The following STRN3 variants were observed in gnomAD, a reference collection of about 807,000 sequenced individuals.
STRN3 encodes the protein striatin 3, also known as striatin-3.
STRN3 carries 29 observed loss-of-function variants against 95.6 expected under a neutral mutation model. That is an observed-to-expected ratio of 0.30 (90% CI 0.23 to 0.41). The LOEUF is 0.41. STRN3 is among the 10% of genes least tolerant of loss of function. STRN3 has a pLI of 1.00. For missense variants in STRN3, 890 were observed against 972.1 expected (o/e 0.92, Z 1.12); for synonymous variants, 331 against 357.6 (o/e 0.93, Z 0.84).
At chr14:30,925,398 A>C (rs1380603084) in intron 8 of STRN3, among the ~76,000 whole-genome samples, 1 of 151,072 alleles carries the variant, frequency 6.6e-6, no homozygotes, top group East Asian at 1.9e-4. Flanking sequence ...TTTCCCTTCC[A>C]AAAAAAAAGA....
chr14:30,941,636 T>C lies in STRN3; in HGVS notation c.717-5012A>G, dbSNP rs201235406. ...ACATTGTGCTTCTTAAACTTTTTTT[T>C]TCCCCCCAAGATGGAGTTTCCCTTT... On this transcript the variant is annotated intron_variant, in intron 5 of 17. Transcript: ENST00000357479. Among the ~76,000 whole-genome samples, 3 of 150,020 alleles carry C rather than the reference T, an allele frequency of 2.0e-5. No individual in the cohort carries two copies. In the East Asian group the frequency reaches 6.2e-4, roughly 31 times the overall value.
intron 16 of STRN3, among the ~76,000 whole-genome samples, chr14:30,897,179 A>G (rs933698756): frequency 6.6e-6 from 1 of 152,166 alleles, no homozygotes; most frequent in Non-Finnish European, 1.5e-5. Flanking sequence ...CTACACTAGG[A>G]TATGAAAGAG....
At chr14:30,953,878 C>T (rs1398843347) in intron 3 of STRN3, among the ~76,000 whole-genome samples, 1 of 152,186 alleles carries the variant, frequency 6.6e-6, no homozygotes, top group Non-Finnish European at 1.5e-5. Flanking sequence ...GATCCAACGC[C>T]TCGGCTTCCC....
chr14:30,945,009 C>T (rs1879290778), intron 5 of STRN3, among the ~76,000 whole-genome samples: 1 of 152,068 alleles, frequency 6.6e-6, no homozygotes, highest in South Asian at 2.1e-4. Context: ...ATTTATTAAG[C>T]TCTAAATGAC....
At chr14:30,984,199 C>A (rs1318629293) in intron 1 of STRN3, among the ~76,000 whole-genome samples, 1 of 99,756 alleles carries the variant, frequency 1.0e-5, no homozygotes, top group African/African-American at 4.0e-5. Flanking sequence ...ATGAAAAAGT[C>A]TTGATAATTA....
intron 10 of STRN3, among the ~76,000 whole-genome samples, chr14:30,912,784 G>C (rs1045035750): frequency 6.6e-6 from 1 of 151,966 alleles, no homozygotes; most frequent in Non-Finnish European, 1.5e-5. Context: ...CTGGAATTTA[G>C]TCACTTATAT....
At chr14:30,979,284 A>T (rs1419462892) in intron 1 of STRN3, among the ~76,000 whole-genome samples, 2 of 152,174 alleles carry the variant, frequency 1.3e-5, no homozygotes, top group South Asian at 4.1e-4. Context: ...GGAAACATTT[A>T]AAAAGTATAT....
intron 1 of STRN3, among the ~76,000 whole-genome samples, chr14:31,012,589 G>T (rs903186013): frequency 2.0e-5 from 3 of 152,116 alleles, no homozygotes; most frequent in Admixed American, 2.0e-4. Context: ...CTATGCAGCT[G>T]TTAAAAAGAA....
At chr14:30,897,519 A>T (rs2138935081) in intron 16 of STRN3, among the ~76,000 whole-genome samples, 1 of 152,334 alleles carries the variant, frequency 6.6e-6, no homozygotes, top group East Asian at 1.9e-4. Flanking sequence ...CGGGAGGTGG[A>T]GGCTGCAGTG....
chr14:30,911,150 C>T lies in STRN3; in HGVS notation c.1611G>A (p.Leu537=). 1.9e-6 allele frequency: 3 copies of T among 1,611,768 alleles called. No homozygotes were observed. The highest frequency in any genetic ancestry group is 2.5e-6 in the Non-Finnish European group (3 of 1,179,530). The change falls in exon 13 of 18, where the codon CTG becomes CTA. Residue 537 remains leucine, a synonymous_variant. Transcript: ENST00000357479. ...YTFRAHIGPV[L]SLAISSNGEQ... is the part of the protein sequence containing the mutation. ...CTCCATTAGAACTAATAGCTAATGACAGAACAGGGCCGCTATTGTAGGAAG... is the reference window on the plus strand; with the variant it reads ...CTCCATTAGAACTAATAGCTAATGATAGAACAGGGCCGCTATTGTAGGAAG...
Position 30,927,180 on chromosome 14 carries a change from G to A in STRN3, c.1099+2021C>T, listed in dbSNP as rs144282296. ...AATAAAATATTAGCCAGGTGTGGTG[G>A]CACGTGCCTATAGTCCCAGCTACTC... On this transcript the variant is annotated intron_variant, in intron 8 of 17. Coordinates refer to ENST00000357479, the MANE Select transcript of STRN3 (RefSeq NM_001083893.2). Among the ~76,000 whole-genome samples the A allele has an allele frequency of 6.2e-4, 94 of 152,176 alleles. 1 individual carries two copies. Among genetic ancestry groups the A allele is most frequent in the African/African-American group, 2.2e-3 (91 of 41,540 alleles).
At position 30,907,005 on chromosome 14, in the gene STRN3, T is replaced by C. The variant is rs144778404; in HGVS notation, c.1760A>G (p.Asp587Gly). 5 of 1,613,814 alleles carry C rather than the reference T, an allele frequency of 3.1e-6. No homozygotes were observed. The highest frequency in any genetic ancestry group is 4.2e-6 in the Non-Finnish European group (5 of 1,179,880). The change falls in exon 14 of 18, where the codon GAT (aspartate) becomes GGT (glycine). Residue 587 changes from aspartate (D) to glycine (G), a missense_variant. By Grantham distance (94) the Asp-to-Gly change is moderately conservative. Around this residue, in one of 3 missense-constraint regions of STRN3, gnomAD observed 357 missense variants for 422.8 expected, o/e 0.84. Transcript: ENST00000357479. ...VLAGTLVGHTDAVWGLAYSGI... is the reference protein window; with the variant it reads ...VLAGTLVGHTGAVWGLAYSGI... ...ACTATAAGCAAGACCCCAAACTGCATCTGTATGACCAACTAAAGTGCCAGC... is the reference window on the plus strand; with the variant it reads ...ACTATAAGCAAGACCCCAAACTGCACCTGTATGACCAACTAAAGTGCCAGC...
At position 30,928,139 on chromosome 14, in the gene STRN3, G is replaced by T. The variant is rs138900761; in HGVS notation, c.1099+1062C>A. Among the ~76,000 whole-genome samples the T allele has an allele frequency of 3.1e-3, 474 of 152,052 alleles. 2 individuals are homozygous for T. The highest frequency in any genetic ancestry group is 0.011 in the African/African-American group (463 of 41,486). On this transcript the variant is annotated intron_variant, in intron 8 of 17. Transcript: ENST00000357479. ...CACTCTATAGTCTTTTAATTCACAT[G>T]CAATAACAAAAGCTATCATAAAGTT...
intron 1 of STRN3, among the ~76,000 whole-genome samples, chr14:30,958,583 G>A (rs1432669476): frequency 6.6e-6 from 1 of 152,078 alleles, no homozygotes; most frequent in East Asian, 1.9e-4. Flanking sequence ...AAACCACTAA[G>A]CCCATACTAT....
chr14:30,972,347 G>A (rs1437351479), intron 1 of STRN3, among the ~76,000 whole-genome samples: 1 of 152,078 alleles, frequency 6.6e-6, no homozygotes, highest in African/African-American at 2.4e-5. Flanking sequence ...TAGCCTGTGC[G>A]TCTAACCCTA....
At chr14:30,975,542 GA>G (rs538959303) in intron 1 of STRN3, among the ~76,000 whole-genome samples, 57 of 30,422 alleles carry the variant, frequency 1.9e-3, no homozygotes, top group South Asian at 8.2e-3. Flanking sequence ...CCCCCCTACT[GA>G]AAAAAAAAAA....
rs7159569 is a variant in STRN3 at position 30,924,573 on chromosome 14, T to G, written c.1099+4628A>C. 3.5e-3 allele frequency among the ~76,000 whole-genome samples: 530 copies of G among 152,128 alleles called. 2 individuals carry two copies. Among genetic ancestry groups the G allele is most frequent in the Non-Finnish European group, 5.3e-3 (357 of 67,982 alleles). On this transcript the variant is annotated intron_variant, in intron 8 of 17. Coordinates refer to ENST00000357479, the MANE Select transcript of STRN3 (RefSeq NM_001083893.2). ...TCCCAAAGTGCTGGGATTACATGCA[T>G]GAACCACTGCACCCAGCCTCATGCT... is the stretch of plus-strand genomic sequence containing the variant.
At chr14:30,911,618 T>C (rs1256048355) in intron 12 of STRN3, among the ~76,000 whole-genome samples, 159 bp downstream of exon 12, 2 of 152,190 alleles carry the variant, frequency 1.3e-5, no homozygotes, top group Non-Finnish European at 2.9e-5. Context: ...GGTACTATTA[T>C]ATTCATAGTC....
intron 1 of STRN3, among the ~76,000 whole-genome samples, chr14:31,018,049 A>T (rs1883325422): frequency 6.6e-6 from 1 of 151,438 alleles, no homozygotes; most frequent in Admixed American, 6.6e-5. Flanking sequence ...ACTGCACTCC[A>T]GCCTGGGCAA....
Sources: allele counts gnomAD v4.1 joint callset (sites outside exome capture counted in the v4.1 genomes callset), GRCh38; gene constraint gnomAD v4.1.1; regional missense constraint gnomAD v4.1.1; transcripts MANE v1.5; gene names NCBI Gene and HGNC (gene_info 2026-07-23, HGNC 2026-07-21).